RERE: variants seen among roughly 807,000 people sequenced by gnomAD.
RERE encodes arginine-glutamic acid dipeptide repeats.
Under a neutral mutation model 146.1 loss-of-function variants are expected in RERE, and 40 were observed. That is an observed-to-expected ratio of 0.27 (90% CI 0.21 to 0.36). RERE has a LOEUF of 0.36. RERE is among the 10% of genes least tolerant of loss of function. The pLI is 1.00. For synonymous variants in RERE, 1,003 were observed against 866.0 expected (o/e 1.16, Z -2.78); for missense variants, 1,933 against 2,138.7 (o/e 0.90, Z 1.90).
intron 1 of RERE, among the ~76,000 whole-genome samples, chr1:8,709,053 C>T (rs1466109361): frequency 1.3e-5 from 2 of 151,332 alleles, no homozygotes; most frequent in Non-Finnish European, 2.9e-5. Context: ...GCTGGAACTA[C>T]AGGTGCCCGC....
intron 8 of RERE, among the ~76,000 whole-genome samples, chr1:8,502,457 G>A (rs1479277225): frequency 8.0e-6 from 1 of 125,438 alleles, no homozygotes; most frequent in Non-Finnish European, 1.7e-5. Context: ...CCGTCCGGGA[G>A]GGTGGTGGGG....
intron 1 of RERE, among the ~76,000 whole-genome samples, chr1:8,689,771 AG>A (rs1639170621): frequency 6.6e-6 from 1 of 150,776 alleles, no homozygotes; most frequent in Non-Finnish European, 1.5e-5. Flanking sequence ...CAATGGATAC[AG>A]GAAAAAAAAA....
intron 12 of RERE, among the ~76,000 whole-genome samples, chr1:8,388,033 A>C (rs1167149071): frequency 6.6e-6 from 1 of 152,250 alleles, no homozygotes; most frequent in African/African-American, 2.4e-5. Flanking sequence ...AAAGAGAAGG[A>C]AAAGACGCTC....
chr1:8,527,800 G>A (rs1361597924), intron 7 of RERE, among the ~76,000 whole-genome samples: 3 of 151,504 alleles, frequency 2.0e-5, no homozygotes, highest in Non-Finnish European at 4.4e-5. Flanking sequence ...ACCCCTCAGG[G>A]GCAGCGTACC....
At chr1:8,594,165 T>C (rs960506776) in intron 4 of RERE, among the ~76,000 whole-genome samples, 8 of 152,176 alleles carry the variant, frequency 5.3e-5, no homozygotes, top group African/African-American at 1.7e-4. Flanking sequence ...GGGTATTATT[T>C]TGGTTTGACA....
chr1:8,497,280 C>T, intron 9 of RERE, 125 bp downstream of exon 9: 1 of 1,013,070 alleles, frequency 9.9e-7, no homozygotes, highest in Admixed American at 2.6e-5. Flanking sequence ...GAGGGTGTAA[C>T]CAAACTTAAA....
At chr1:8,649,645 A>G (rs1647504941) in intron 2 of RERE, among the ~76,000 whole-genome samples, 1 of 151,300 alleles carries the variant, frequency 6.6e-6, no homozygotes, top group African/African-American at 2.4e-5. Flanking sequence ...CAGGAGAATC[A>G]CTTGAACCCA....
intron 7 of RERE, among the ~76,000 whole-genome samples, chr1:8,535,653 G>T (rs1645715016): frequency 6.6e-6 from 1 of 152,182 alleles, no homozygotes; most frequent in Admixed American, 6.5e-5. Flanking sequence ...GTCTAGGAGA[G>T]AGAAAGTATA....
intron 7 of RERE, among the ~76,000 whole-genome samples, chr1:8,518,787 T>C (rs1645453505): frequency 6.6e-6 from 1 of 152,216 alleles, no homozygotes; most frequent in Non-Finnish European, 1.5e-5. Flanking sequence ...TAAAAAGCCA[T>C]GCGAATGTTG....
chr1:8,557,488 C>G lies in RERE; in HGVS notation c.558G>C (p.Trp186Cys). 1 of 1,613,306 alleles carries G rather than the reference C, an allele frequency of 6.2e-7. No individual in the cohort carries two copies. The highest frequency in any genetic ancestry group is 8.5e-7 in the Non-Finnish European group (1 of 1,179,304). Residue 186 changes from tryptophan (W) to cysteine (C), a missense_variant, in exon 5 of 23, where the codon TGG (tryptophan) becomes TGC (cysteine). Around this residue, in one of 11 missense-constraint regions of RERE, gnomAD observed 74 missense variants for 99.6 expected, o/e 0.74. Coordinates refer to ENST00000400908, the MANE Select transcript of RERE (RefSeq NM_001042681.2). ...KRDHLLMNVK[W>C]YYRQSEVPDS... ...CTGGAACCTCAGATTGACGGTAGTACCATTTGACGTTCATGAGGAGATGGT... is the reference window on the plus strand; with the variant it reads ...CTGGAACCTCAGATTGACGGTAGTAGCATTTGACGTTCATGAGGAGATGGT...
chr1:8,700,853 G>A (rs1317186079), intron 1 of RERE, among the ~76,000 whole-genome samples: 1 of 152,038 alleles, frequency 6.6e-6, no homozygotes, highest in Non-Finnish European at 1.5e-5. Context: ...AAACCCTTTG[G>A]CCTTGGAAAA....
In RERE at chr1:8,692,223, C is replaced by T. The variant is rs370447036; in HGVS notation, c.-144-35782G>A. Among the ~76,000 whole-genome samples the T allele has an allele frequency of 9.9e-5, 15 of 152,284 alleles. No homozygotes were observed. In the South Asian group the frequency reaches 2.3e-3, roughly 23 times the overall value. ...TGGAACCACTAACAAATTCATACTACGGTCATCCCTCGGTATCCAAGGGGA... is the reference window on the plus strand; with the variant it reads ...TGGAACCACTAACAAATTCATACTATGGTCATCCCTCGGTATCCAAGGGGA... On this transcript the variant is annotated intron_variant, in intron 1 of 22. Coordinates refer to ENST00000400908, the MANE Select transcript of RERE (RefSeq NM_001042681.2).
In RERE at chr1:8,610,917, G is replaced by A. The variant is rs894535960; in HGVS notation, c.522+3644C>T. 4.0e-5 allele frequency among the ~76,000 whole-genome samples: 6 copies of A among 151,028 alleles called. No homozygotes were observed. The highest frequency in any genetic ancestry group is 2.0e-4 in the Admixed American group (3 of 15,174). On this transcript the variant is annotated intron_variant, in intron 4 of 22. Coordinates refer to ENST00000400908, the MANE Select transcript of RERE (RefSeq NM_001042681.2). The stretch of plus-strand genomic sequence containing the variant: ...TTTAAAAAAAAAAAAACCATACACC[G>A]GGCACGGTGGCTCACATGTGTAATC...
chr1:8,686,215 T>C (rs1235073839), intron 1 of RERE, among the ~76,000 whole-genome samples: 1 of 152,096 alleles, frequency 6.6e-6, no homozygotes, highest in Non-Finnish European at 1.5e-5. Flanking sequence ...ACTCCTGGGA[T>C]CAAGCAATCC....
At chr1:8,776,830 C>T (rs867663082) in intron 1 of RERE, among the ~76,000 whole-genome samples, 9 of 152,020 alleles carry the variant, frequency 5.9e-5, no homozygotes, top group Non-Finnish European at 1.0e-4. Context: ...GGTGATCCTC[C>T]CACCTCAGCC....
intron 12 of RERE, among the ~76,000 whole-genome samples, chr1:8,409,338 A>G (rs1643547577): frequency 1.3e-5 from 2 of 152,178 alleles, no homozygotes; most frequent in African/African-American, 4.8e-5. Context: ...AAGCTATACT[A>G]CCTACTCAGA....
At chr1:8,407,293 G>A (rs301795) in intron 12 of RERE, among the ~76,000 whole-genome samples, 40,804 of 152,066 alleles carry the variant, frequency 0.27, 5,967 homozygotes, top group Non-Finnish European at 0.32. Context: ...CCTAGAGAAG[G>A]GGATGGAGCA....
chr1:8,602,835 TA>T (rs35838675), intron 4 of RERE, among the ~76,000 whole-genome samples: 31,730 of 150,902 alleles, frequency 0.21, 3,402 homozygotes, highest in Middle Eastern at 0.27. Context: ...TTCATCTGAT[TA>T]AAAAAAAAAT....
chr1:8,633,640 T>G lies in RERE; in HGVS notation c.326-9260A>C, dbSNP rs147364019. On this transcript the variant is annotated intron_variant, in intron 2 of 22. Coordinates refer to ENST00000400908, the MANE Select transcript of RERE (RefSeq NM_001042681.2). ...TGCAAAGATGCACCTTAAAAGAAAC[T>G]TATTGGCTGCGCACGGTGGCTCAGG... Among the ~76,000 whole-genome samples the G allele has an allele frequency of 2.1e-3, 324 of 152,034 alleles. 2 individuals carry two copies. Among genetic ancestry groups the G allele is most frequent in the Non-Finnish European group, 1.6e-3 (106 of 67,952 alleles).
Sources: allele counts gnomAD v4.1 joint callset (sites outside exome capture counted in the v4.1 genomes callset), GRCh38; gene constraint gnomAD v4.1.1; regional missense constraint gnomAD v4.1.1; transcripts MANE v1.5; gene names NCBI Gene and HGNC (gene_info 2026-07-23, HGNC 2026-07-21).